The following MORC4 variants were observed in gnomAD, a reference collection of about 807,000 sequenced individuals.
MORC4 encodes MORC family CW-type zinc finger 4, also known as MORC family CW-type zinc finger protein 4.
MORC4 carries 22 observed loss-of-function variants against 65.5 expected under a neutral mutation model. The ratio of observed to expected loss-of-function variants is 0.34; its 90% confidence interval spans 0.24 to 0.48. MORC4 has a LOEUF of 0.48. Ranked by LOEUF, MORC4 falls within the 20% of genes least tolerant of loss-of-function variation. The pLI is 0.99. For synonymous variants in MORC4, 267 were observed against 255.8 expected, an observed-to-expected ratio of 1.04 and a Z score of -0.42; for missense variants, 624 against 703.0, an observed-to-expected ratio of 0.89 and a Z score of 1.27.
intron 3 of MORC4, among the ~76,000 whole-genome samples, chrX:106,990,714 A>C (rs1934964357): frequency 8.9e-6 from 1 of 111,935 alleles, no homozygotes; most frequent in Non-Finnish European, 1.9e-5. Flanking sequence ...TCTACTAAAA[A>C]TACAAAAATT....
At chrX:106,981,141 A>C (rs1934732791) in intron 6 of MORC4, 122 bp from the exon 7 acceptor site, 1 of 907,139 alleles carries the variant, frequency 1.1e-6, no homozygotes, top group Non-Finnish European at 1.5e-6. Flanking sequence ...CAGTTTCTAT[A>C]CCTTATTACA....
chrX:106,985,944 T>G, intron 4 of MORC4, 39 bp downstream of exon 4: 1 of 1,113,678 alleles, frequency 9.0e-7, no homozygotes, highest in Non-Finnish European at 1.2e-6. Flanking sequence ...CAGATTAGAC[T>G]AATTTTTAAC....
rs764674091 is a variant in MORC4 at position 106,954,881 on chromosome X, A to G, written c.1685+32T>C. ...TACAGGAAAACAGACTCTAAAGCTT[A>G]CTATTGACAAGAGATCATGCTTTTT... is the stretch of plus-strand genomic sequence containing the variant. On this transcript the variant is annotated intron_variant, in intron 14 of 16. Transcript: ENST00000355610. 1.3e-5 allele frequency: 15 copies of G among 1,170,317 alleles called. No individual in the cohort carries two copies. In the South Asian group the frequency reaches 2.8e-4, roughly 22 times the overall value.
At chrX:106,947,595 T>TATA (rs1933879567) in intron 14 of MORC4, among the ~76,000 whole-genome samples, 2 of 92,888 alleles carry the variant, frequency 2.2e-5, no homozygotes, top group African/African-American at 8.2e-5. Context: ...ATATATAATA[T>TATA]ATATATATAT....
chrX:106,941,946 G>T lies in MORC4; in HGVS notation c.2652C>A (p.Asp884Glu). ...QVSYRTPEGD[D>E]LERALAKLTR... ...AAACCCTAGTAATTAACCTTTCTAGGTCATCTCCCTCTGGGGTCCGGTAGG... is the reference window on the plus strand; with the variant it reads ...AAACCCTAGTAATTAACCTTTCTAGTTCATCTCCCTCTGGGGTCCGGTAGG... Residue 884 changes from aspartate (D) to glutamate (E), a missense_variant, in exon 16 of 17, where the codon GAC becomes GAA. By Grantham distance (45) the Asp-to-Glu change is conservative. Coordinates refer to ENST00000355610, the MANE Select transcript of MORC4 (RefSeq NM_024657.5). The T allele has an allele frequency of 1.2e-5, 14 of 1,208,407 alleles. No individual in the cohort carries two copies. Among genetic ancestry groups the T allele is most frequent in the Non-Finnish European group, 1.6e-5 (14 of 893,940 alleles).
In MORC4 at chrX:106,941,300, T is replaced by C. The variant is rs1473883910; in HGVS notation, c.*179A>G. The C allele has an allele frequency of 2.8e-6, 1 of 353,640 alleles. No individual in the cohort carries two copies. The highest frequency in any genetic ancestry group is 4.7e-6 in the Non-Finnish European group (1 of 210,663). 29.1% of individuals were successfully genotyped at this position (353,640 alleles called of 1,213,427 possible). ...CTGGCCTCTTTCTCCACACCAAAAC[T>C]GATAAAAAGGAGACTGATTATGAGC... On this transcript the variant is annotated 3_prime_UTR_variant, in exon 17 of 17. Transcript: ENST00000355610.
intron 3 of MORC4, among the ~76,000 whole-genome samples, chrX:106,990,051 TG>T (rs1226618547): frequency 9.7e-6 from 1 of 103,552 alleles, no homozygotes; most frequent in Non-Finnish European, 2.0e-5. Context: ...TAGCTGGGTA[TG>T]GTGGCGCACA....
rs992380886 is a variant in MORC4 at position 106,955,024 on chromosome X, A to T, written c.1574T>A (p.Ile525Asn). Residue 525 changes from isoleucine (I) to asparagine (N), a missense_variant, in exon 14 of 17, where the codon ATT becomes AAT. Coordinates refer to ENST00000355610, the MANE Select transcript of MORC4 (RefSeq NM_024657.5). Reference protein sequence around the residue: ...QEMAGLNNKTIGYEGIHSPSV... With the variant: ...QEMAGLNNKTNGYEGIHSPSV... ...AGGGCTATGAATTCCCTCATATCCA[A>T]TTGTCTTGTTATTCAATCCAGCCAT... 1.2e-5 allele frequency: 14 copies of T among 1,205,672 alleles called. No homozygotes were observed. In the African/African-American group the frequency reaches 2.4e-4, roughly 21 times the overall value.
At chrX:106,981,321 T>C in intron 6 of MORC4, 24 bp downstream of exon 6, 1 of 1,168,885 alleles carries the variant, frequency 8.6e-7, no homozygotes, top group Non-Finnish European at 1.1e-6. Context: ...TACCTCTCAT[T>C]GTTGAAAAAC....
intron 14 of MORC4, among the ~76,000 whole-genome samples, chrX:106,949,796 A>G (rs1933930899): frequency 8.9e-6 from 1 of 112,453 alleles, no homozygotes; most frequent in African/African-American, 3.2e-5. Flanking sequence ...GGTTACTACC[A>G]AAGTTCAAGA....
intron 2 of MORC4, among the ~76,000 whole-genome samples, chrX:106,997,395 A>G (rs1935101319): frequency 9.0e-6 from 1 of 111,603 alleles, no homozygotes; most frequent in African/African-American, 3.3e-5. Context: ...CCTGAAGCAC[A>G]GCTCTGATCA....
Position 106,942,926 on chromosome X carries a change from C to T in MORC4, c.1965G>A (p.Gly655=), listed in dbSNP as rs914556804. 9 of 1,211,833 alleles carry T rather than the reference C, an allele frequency of 7.4e-6. No homozygotes were observed. Among genetic ancestry groups the T allele is most frequent in the Non-Finnish European group, 1.0e-5 (9 of 895,480 alleles). ...LYPGAKDQRQ[G]SLLPEELEDQ... ...CTTCTAATTCTTCAGGAAGCAGGGA[C>T]CCCTGGCGTTGGTCTTTGGCCCCTG... is the stretch of plus-strand genomic sequence containing the variant. Residue 655 remains glycine (G), a synonymous_variant, in exon 15 of 17, where the codon GGG becomes GGA. Coordinates refer to ENST00000355610, the MANE Select transcript of MORC4 (RefSeq NM_024657.5).
At chrX:106,999,516 G>A (rs946974663) in intron 2 of MORC4, among the ~76,000 whole-genome samples, 161 bp downstream of exon 2, 1 of 111,918 alleles carries the variant, frequency 8.9e-6, no homozygotes, top group Admixed American at 9.3e-5. Flanking sequence ...TGGCGAGAGA[G>A]CCATCCCCCT....
At chrX:106,959,040 G>A (rs188734946) in intron 10 of MORC4, among the ~76,000 whole-genome samples, 29 of 111,437 alleles carry the variant, frequency 2.6e-4, no homozygotes, top group Non-Finnish European at 4.3e-4. Flanking sequence ...AAAACCCTTT[G>A]CTTATAATAC....
At chrX:106,987,024 A>G (rs1253814718) in intron 3 of MORC4, among the ~76,000 whole-genome samples, 1 of 111,794 alleles carries the variant, frequency 8.9e-6, no homozygotes, top group Non-Finnish European at 1.9e-5. Flanking sequence ...AAATGATTAT[A>G]TATCTTCCCT....
At chrX:106,996,043 T>C (rs753274660) in intron 2 of MORC4, among the ~76,000 whole-genome samples, 1 of 111,863 alleles carries the variant, frequency 8.9e-6, no homozygotes, top group East Asian at 2.8e-4. Context: ...ACATTCACGA[T>C]TCAAACATGT....
At chrX:106,984,469 T>TC (rs1934823117) in intron 5 of MORC4, among the ~76,000 whole-genome samples, 1 of 56,509 alleles carries the variant, frequency 1.8e-5, no homozygotes, top group African/African-American at 5.1e-5. Flanking sequence ...TTTTTTCTTT[T>TC]TTTTTTTTTT....
At chrX:106,953,193 T>C (rs1414950744) in intron 14 of MORC4, among the ~76,000 whole-genome samples, 1 of 112,005 alleles carries the variant, frequency 8.9e-6, no homozygotes, top group Non-Finnish European at 1.9e-5. Context: ...TGCCACCCAA[T>C]GGAAGTTCTA....
Position 106,943,207 on chromosome X carries a change from T to C in MORC4, c.1686-2A>G. ...TCACCTAGGATCCATTTGTACTTAC[T>C]GCAAGAAGAGGAAATTAAATTGTAA... On this transcript the variant is annotated splice_acceptor_variant, in intron 14 of 16. Transcript: ENST00000355610. LOFTEE classifies it high-confidence loss of function. The C allele has an allele frequency of 8.5e-7, 1 of 1,173,581 alleles. No individual in the cohort carries two copies. Among genetic ancestry groups the C allele is most frequent in the Non-Finnish European group, 1.2e-6 (1 of 867,093 alleles).
Sources: gnomAD v4.1 joint callset for allele counts (sites outside exome capture counted in the v4.1 genomes callset) on GRCh38, gnomAD v4.1.1 for gene constraint, MANE v1.5 for transcripts, NCBI Gene and HGNC (gene_info 2026-07-23, HGNC 2026-07-21) for gene names.